VPS13B: variants seen among roughly 807,000 people sequenced by gnomAD.
VPS13B encodes vacuolar protein sorting 13 homolog B.
Under a neutral mutation model 426.4 loss-of-function variants are expected in VPS13B, and 285 were observed. The ratio of observed to expected loss-of-function variants is 0.67; its 90% confidence interval spans 0.61 to 0.74. The LOEUF (loss-of-function observed/expected upper bound fraction) is 0.74, where lower values mean the gene tolerates loss of function less well. VPS13B is among the 30% of genes least tolerant of loss of function. The probability of loss-of-function intolerance (pLI) is 0.00; values close to 1 mark genes in which losing one functional copy is unlikely to be tolerated. For synonymous variants in VPS13B, 1,676 were observed against 1,676.4 expected (o/e 1.00, Z 0.01); for missense variants, 4,537 against 4,782.6 (o/e 0.95, Z 1.51).
chr8:99,216,937 G>A (rs937805490), intron 17 of VPS13B, among the ~76,000 whole-genome samples: 2 of 152,044 alleles, frequency 1.3e-5, no homozygotes, highest in African/African-American at 4.8e-5. Flanking sequence ...TTACCTTAGT[G>A]TGTGGTCCTA....
chr8:99,093,299 T>C (rs1846244828), intron 3 of VPS13B, among the ~76,000 whole-genome samples: 1 of 152,064 alleles, frequency 6.6e-6, no homozygotes, highest in African/African-American at 2.4e-5. Flanking sequence ...CACTTAGAGT[T>C]CTTTACACTG....
intron 3 of VPS13B, among the ~76,000 whole-genome samples, chr8:99,085,432 G>T (rs530564816): frequency 8.0e-4 from 122 of 152,252 alleles, no homozygotes; most frequent in Non-Finnish European, 1.4e-3. Flanking sequence ...TGTCTTTTAA[G>T]TGGAGCATTT....
intron 33 of VPS13B, among the ~76,000 whole-genome samples, chr8:99,592,546 T>C (rs1826746173): frequency 6.8e-6 from 1 of 148,102 alleles, no homozygotes; most frequent in Non-Finnish European, 1.5e-5. Flanking sequence ...TCCTTTCTGT[T>C]TGTTAGAAAA....
At chr8:99,423,894 G>T (rs1325015134) in intron 21 of VPS13B, among the ~76,000 whole-genome samples, 1 of 152,084 alleles carries the variant, frequency 6.6e-6, no homozygotes, top group Admixed American at 6.6e-5. Context: ...CGTTGATTTG[G>T]GGTGGAGAGT....
chr8:99,438,949 G>A lies in VPS13B; in HGVS notation c.3211-3452G>A, dbSNP rs963592556. On this transcript the variant is annotated intron_variant, in intron 22 of 61. Transcript: ENST00000357162. Reference sequence around the variant, plus strand: ...TAGGAGAGACTTGGTGTTGTTTGTTGACTATCTTTCTTTAGCAAACGTTTA... The same window carrying A: ...TAGGAGAGACTTGGTGTTGTTTGTTAACTATCTTTCTTTAGCAAACGTTTA... Among the ~76,000 whole-genome samples the A allele has an allele frequency of 5.3e-5, 8 of 152,052 alleles. 1 individual carries two copies. The highest frequency in any genetic ancestry group is 1.0e-4 in the Non-Finnish European group (7 of 67,978).
At chr8:99,613,702 G>A (rs1827939175) in intron 33 of VPS13B, 1 of 152,128 alleles carries the variant, frequency 6.6e-6, no homozygotes, top group Non-Finnish European at 1.5e-5. Flanking sequence ...ATGTAAAATT[G>A]GATAAATATG....
chr8:99,014,081 A>G (rs372136815), intron 2 of VPS13B, 146 bp downstream of exon 2: 1 of 312,422 alleles, frequency 3.2e-6, no homozygotes, highest in Non-Finnish European at 5.3e-6. Flanking sequence ...AGGGGGCTTT[A>G]TTTTACACTA....
chr8:99,323,664 A>G (rs1308621537), intron 19 of VPS13B, among the ~76,000 whole-genome samples: 2 of 152,236 alleles, frequency 1.3e-5, no homozygotes, highest in South Asian at 2.1e-4. Flanking sequence ...TACAACTTAG[A>G]TAGGCTATTA....
chr8:99,177,848 T>A (rs140396524), intron 16 of VPS13B, among the ~76,000 whole-genome samples: 283 of 152,352 alleles, frequency 1.9e-3, no homozygotes, highest in African/African-American at 5.4e-3. Flanking sequence ...AATAATTATA[T>A]TGACTTTTCC....
intron 33 of VPS13B, among the ~76,000 whole-genome samples, chr8:99,584,350 G>A (rs1361801919): frequency 2.0e-5 from 3 of 152,124 alleles, no homozygotes; most frequent in African/African-American, 7.2e-5. Flanking sequence ...ACATCAAGAA[G>A]ACAATAAAAT....
chr8:99,234,362 TGAG>T, intron 17 of VPS13B: 1 of 733,514 alleles, frequency 1.4e-6, no homozygotes, highest in Non-Finnish European at 2.6e-6. Context: ...CCACTGCAGG[TGAG>T]GAGGTATGTT....
chr8:99,586,481 C>T (rs1826305188), intron 33 of VPS13B, among the ~76,000 whole-genome samples: 1 of 152,094 alleles, frequency 6.6e-6, no homozygotes. Flanking sequence ...TCCCGTCTTC[C>T]CAACTAGTCT....
intron 19 of VPS13B, among the ~76,000 whole-genome samples, chr8:99,368,061 G>A (rs1032094016): frequency 5.3e-5 from 8 of 152,148 alleles, no homozygotes; most frequent in African/African-American, 7.2e-5. Flanking sequence ...AGAGAACCAA[G>A]GGAAATAAAA....
chr8:99,865,457 T>TA (rs1817052276), intron 58 of VPS13B, among the ~76,000 whole-genome samples: 1 of 152,252 alleles, frequency 6.6e-6, no homozygotes, highest in African/African-American at 2.4e-5. Context: ...CACTCTTGGC[T>TA]ATGCCATCTG....
chr8:99,818,290 G>A (rs1814162219), intron 45 of VPS13B, among the ~76,000 whole-genome samples, 161 bp from the exon 46 acceptor site: 2 of 152,068 alleles, frequency 1.3e-5, no homozygotes, highest in Admixed American at 1.3e-4. Flanking sequence ...TTTGCTTTCT[G>A]CCATAATGAA....
intron 2 of VPS13B, among the ~76,000 whole-genome samples, chr8:99,026,158 G>A (rs1229717582): frequency 1.3e-5 from 2 of 151,976 alleles, no homozygotes; most frequent in African/African-American, 4.8e-5. Context: ...TGTTTGTACT[G>A]TTTTTGCTAT....
At chr8:99,357,361 A>G (rs1239831627) in intron 19 of VPS13B, among the ~76,000 whole-genome samples, 2 of 152,030 alleles carry the variant, frequency 1.3e-5, no homozygotes, top group Non-Finnish European at 2.9e-5. Context: ...TATTTTTTTC[A>G]TTAACCGTTG....
chr8:99,169,704 C>T (rs528135058), intron 15 of VPS13B, among the ~76,000 whole-genome samples: 14 of 151,758 alleles, frequency 9.2e-5, no homozygotes, highest in South Asian at 4.2e-4. Context: ...ATGCAGTCAG[C>T]GGTTTATATT....
At chr8:99,314,504 T>C (rs1013605683) in intron 19 of VPS13B, among the ~76,000 whole-genome samples, 2 of 152,240 alleles carry the variant, frequency 1.3e-5, no homozygotes, top group Non-Finnish European at 2.9e-5. Context: ...ATTTGTCTCA[T>C]GCTGAGAGTA....
Sources: gnomAD v4.1 joint callset for allele counts (sites outside exome capture counted in the v4.1 genomes callset) on GRCh38, gnomAD v4.1.1 for gene constraint, MANE v1.5 for transcripts, NCBI Gene and HGNC (gene_info 2026-07-23, HGNC 2026-07-21) for gene names.